Variants in DCAF1 observed in about 807,000 individuals in gnomAD.
The protein encoded by DCAF1 is DDB1- and CUL4-associated factor 1.
Under a neutral mutation model 128.0 loss-of-function variants are expected in DCAF1, and 15 were observed. That is an observed-to-expected ratio of 0.12 (90% CI 0.08 to 0.18). The LOEUF is 0.18. Ranked by LOEUF, DCAF1 falls within the 10% of genes least tolerant of loss-of-function variation. DCAF1 has a pLI of 1.00. For synonymous variants in DCAF1, 610 were observed against 603.0 expected (o/e 1.01, Z -0.17); for missense variants, 988 against 1,649.5 (o/e 0.60, Z 6.95).
At chr3:51,403,510 G>C in intron 23 of DCAF1, 115 bp from the exon 24 acceptor site, 1 of 1,463,756 alleles carries the variant, frequency 6.8e-7, no homozygotes, top group Non-Finnish European at 9.0e-7. Context: ...GGGTAGTAGT[G>C]ATCTAGACGA....
At chr3:51,456,083 G>A (rs879954958) in intron 6 of DCAF1, among the ~76,000 whole-genome samples, 7 of 152,296 alleles carry the variant, frequency 4.6e-5, no homozygotes, top group East Asian at 3.9e-4. Context: ...GCAGTGCACC[G>A]TGTGCTAGCA....
intron 3 of DCAF1, 111 bp downstream of exon 3, chr3:51,483,604 CTAGT>C (rs1380092827): frequency 1.7e-6 from 1 of 580,324 alleles, no homozygotes; most frequent in East Asian, 2.9e-5. Context: ...TCTTTTTAAA[CTAGT>C]TTGTGTGTGT....
At position 51,419,798 on chromosome 3, in the gene DCAF1, C is replaced by T; in HGVS notation, c.3172G>A (p.Ala1058Thr). The T allele has an allele frequency of 6.2e-7, 1 of 1,614,012 alleles. No individual in the cohort carries two copies. Among genetic ancestry groups the T allele is most frequent in the Non-Finnish European group, 8.5e-7 (1 of 1,179,888 alleles). Residue 1058 changes from alanine (A) to threonine (T), a missense_variant, in exon 15 of 25, where the codon GCA (alanine) becomes ACA (threonine). Ala to Thr is a moderately conservative substitution (Grantham distance 58). This residue lies in a region of DCAF1 where 105 missense variants were observed against 266.7 expected (regional missense o/e 0.39). Transcript: ENST00000684031. ...ACCCCTCCATACTTTGGAAATGATG[C>T]CCTGCGGTTTAGCCTTGACGTAAAG... ...INFTSRLNRR[A>T]SFPKYGGVDG... is the part of the protein sequence containing the mutation.
At chr3:51,465,620 T>C (rs1294383696) in intron 5 of DCAF1, among the ~76,000 whole-genome samples, 1 of 151,932 alleles carries the variant, frequency 6.6e-6, no homozygotes, top group African/African-American at 2.4e-5. Context: ...GGTGCATCCC[T>C]TGTAGTCCCA....
chr3:51,435,792 C>T (rs1290399257), intron 9 of DCAF1, among the ~76,000 whole-genome samples: 5 of 151,838 alleles, frequency 3.3e-5, no homozygotes, highest in Admixed American at 2.6e-4. Context: ...TTTATTTATT[C>T]ACTGGCCTCC....
chr3:51,487,704 CCCTT>C (rs1438157178), intron 2 of DCAF1, among the ~76,000 whole-genome samples: 1 of 151,802 alleles, frequency 6.6e-6, no homozygotes, highest in Non-Finnish European at 1.5e-5. Context: ...TCTTTCCTCT[CCCTT>C]TTTTTCTTTT....
Position 51,443,892 on chromosome 3 carries a change from G to T in DCAF1, c.387C>A (p.Val129=). ...AVVFQEKEGI[V]ENLFKWAREA... is the part of the protein sequence containing the mutation. The stretch of plus-strand genomic sequence containing the variant: ...CTCGGGCCCATTTGAAAAGATTCTC[G>T]ACAATTCCCTCCTATAGTAAAGGAA... Residue 129 remains valine (V), a synonymous_variant, in exon 7 of 25, where the codon GTC becomes GTA. Coordinates refer to ENST00000684031, the MANE Select transcript of DCAF1 (RefSeq NM_001387579.1). 6.2e-7 allele frequency: 1 copy of T among 1,602,620 alleles called. No homozygotes were observed. Among genetic ancestry groups the T allele is most frequent in the South Asian group, 1.1e-5 (1 of 88,146 alleles).
At chr3:51,407,179 ACAAC>A (rs1171236036) in intron 23 of DCAF1, among the ~76,000 whole-genome samples, 49 of 119,750 alleles carry the variant, frequency 4.1e-4, no homozygotes, top group Middle Eastern at 4.8e-3. Flanking sequence ...AAAAAAAAAA[ACAAC>A]AACAAAACCG....
chr3:51,479,326 A>C (rs906352027), intron 3 of DCAF1, among the ~76,000 whole-genome samples: 3 of 151,802 alleles, frequency 2.0e-5, no homozygotes, highest in Admixed American at 6.6e-5. Flanking sequence ...ACATAGCGAA[A>C]ACCTATCTCT....
At chr3:51,406,037 G>GAAAACAAAAACA (rs1176512645) in intron 23 of DCAF1, among the ~76,000 whole-genome samples, 1 of 150,284 alleles carries the variant, frequency 6.7e-6, no homozygotes, top group East Asian at 2.0e-4. Context: ...CCATTTCTTT[G>GAAAACAAAAACA]AAAACAAAAA....
chr3:51,419,822 A>G lies in DCAF1; in HGVS notation c.3148T>C (p.Phe1050Leu). ...GCCCTGCGGTTTAGCCTTGACGTAA[A>G]GTTTATTGGCGCTTGCCGCCTCTGT... The part of the protein sequence containing the change: ...PKQRRQAPIN[F>L]TSRLNRRASF... Residue 1050 changes from phenylalanine to leucine, a missense_variant, in exon 15 of 25, where the codon TTT (phenylalanine) becomes CTT (leucine). Physicochemically the swap from Phe to Leu is conservative, Grantham distance 22 (BLOSUM62 0). Coordinates refer to ENST00000684031, the MANE Select transcript of DCAF1 (RefSeq NM_001387579.1). 1 of 1,613,994 alleles carries G rather than the reference A, an allele frequency of 6.2e-7. No individual in the cohort carries two copies. The highest frequency in any genetic ancestry group is 8.5e-7 in the Non-Finnish European group (1 of 1,179,892).
intron 24 of DCAF1, among the ~76,000 whole-genome samples, chr3:51,400,704 C>A (rs1407525186): frequency 6.6e-6 from 1 of 152,128 alleles, no homozygotes; most frequent in East Asian, 1.9e-4. Context: ...CAATCCCAAA[C>A]CCTGGTTAGG....
At chr3:51,489,835 A>G (rs112278445) in intron 2 of DCAF1, among the ~76,000 whole-genome samples, 41 of 2,946 alleles carry the variant, frequency 0.014, no homozygotes, top group South Asian at 0.083. Context: ...GTGTGTGTAT[A>G]TAGATAGATA....
In DCAF1 at chr3:51,468,151, A is replaced by C. The variant is rs116601310; in HGVS notation, c.188-1275T>G. Among the ~76,000 whole-genome samples the C allele has an allele frequency of 2.7e-3, 414 of 152,294 alleles. 1 individual carries two copies. Among genetic ancestry groups the C allele is most frequent in the African/African-American group, 9.3e-3 (388 of 41,558 alleles). ...AGCCTAACGATAAAAGAATTAGTTG[A>C]TGGAAGGGAGAATTACTGGTTTGTT... is the stretch of plus-strand genomic sequence containing the variant. On this transcript the variant is annotated intron_variant, in intron 4 of 24. Transcript: ENST00000684031.
At chr3:51,424,564 A>G (rs1553633594) in intron 13 of DCAF1, among the ~76,000 whole-genome samples, 4 of 152,208 alleles carry the variant, frequency 2.6e-5, no homozygotes. Context: ...CATATCCTCA[A>G]GAGAGCCTCC....
At chr3:51,483,871 C>T in intron 2 of DCAF1, 35 bp from the exon 3 acceptor site, 1 of 1,420,370 alleles carries the variant, frequency 7.0e-7, no homozygotes. Flanking sequence ...AAAAGACAAC[C>T]AATAAATGAA....
Position 51,443,366 on chromosome 3 carries a change from G to A in DCAF1, c.513+400C>T, listed in dbSNP as rs185867874. ...AGCACTTTGGGAGGCCTAGGCAGGT[G>A]GATCATGAGGTCAGGAGTTCGAGAC... On this transcript the variant is annotated intron_variant, in intron 7 of 24. Coordinates refer to ENST00000684031, the MANE Select transcript of DCAF1 (RefSeq NM_001387579.1). Among the ~76,000 whole-genome samples, 307 of 152,146 alleles carry A rather than the reference G, an allele frequency of 2.0e-3. 3 individuals are homozygous for A. Among genetic ancestry groups the A allele is most frequent in the African/African-American group, 6.8e-3 (281 of 41,494 alleles).
At chr3:51,451,830 A>T (rs1347254818) in intron 6 of DCAF1, among the ~76,000 whole-genome samples, 2 of 152,130 alleles carry the variant, frequency 1.3e-5, no homozygotes, top group African/African-American at 4.8e-5. Context: ...ACAACTTTTT[A>T]AAAACAGTGG....
intron 2 of DCAF1, among the ~76,000 whole-genome samples, chr3:51,495,800 TTG>T (rs1372293558): frequency 1.2e-4 from 19 of 152,094 alleles, no homozygotes; most frequent in African/African-American, 3.9e-4. Context: ...GTTTTTTGTT[TTG>T]TGAGACGGAA....
Sources: allele counts gnomAD v4.1 joint callset (sites outside exome capture counted in the v4.1 genomes callset), GRCh38; gene constraint gnomAD v4.1.1; regional missense constraint gnomAD v4.1.1; transcripts MANE v1.5; gene names NCBI Gene and HGNC (gene_info 2026-07-23, HGNC 2026-07-21).